Variants in LINGO2 observed in about 807,000 individuals in gnomAD.
LINGO2 encodes the protein leucine-rich repeat and immunoglobulin-like domain-containing nogo receptor-interacting protein 2.
A neutral mutation model predicts 30.6 loss-of-function variants in LINGO2; 14 were observed. The observed-to-expected ratio is 0.46, with a 90% CI of 0.30 to 0.72. The LOEUF (loss-of-function observed/expected upper bound fraction) is 0.72, where lower values mean the gene tolerates loss of function less well. Among genes scored for constraint, LINGO2 ranks in the 30% least tolerant of loss-of-function variants. LINGO2 has a pLI of 0.07. For missense variants in LINGO2, 729 were observed against 751.7 expected, an observed-to-expected ratio of 0.97 and a Z score of 0.35; for synonymous variants, 317 against 288.5, an observed-to-expected ratio of 1.10 and a Z score of -1.00.
At chr9:27,958,746 T>C (rs925784063) in intron 5 of LINGO2, among the ~76,000 whole-genome samples, 2 of 150,952 alleles carry the variant, frequency 1.3e-5, no homozygotes, top group African/African-American at 2.5e-5. Context: ...ACCAGGGAAC[T>C]TGGAACGTAT....
At chr9:28,142,788 A>G (rs1827710005) in intron 4 of LINGO2, among the ~76,000 whole-genome samples, 1 of 152,092 alleles carries the variant, frequency 6.6e-6, no homozygotes, top group Admixed American at 6.5e-5. Flanking sequence ...AATTTCATTG[A>G]TCTGGCTCCC....
At chr9:28,892,012 T>C in the LINGO2 span, among the ~76,000 whole-genome samples, 1 of 151,950 alleles carries the variant, frequency 6.6e-6, no homozygotes, top group Non-Finnish European at 1.5e-5. Flanking sequence ...TGTCTGATCT[T>C]TAGAGAAACA....
chr9:28,085,858 T>C (rs1825898232), intron 4 of LINGO2, among the ~76,000 whole-genome samples: 1 of 152,088 alleles, frequency 6.6e-6, no homozygotes, highest in Admixed American at 6.6e-5. Flanking sequence ...CTGGGCGGTA[T>C]GATACTTGAA....
chr9:29,199,977 A>G, the LINGO2 span, among the ~76,000 whole-genome samples: 8 of 152,200 alleles, frequency 5.3e-5, no homozygotes, highest in East Asian at 1.4e-3. Flanking sequence ...GCTTAACGAA[A>G]ACTATCAGAA....
At chr9:28,109,197 C>A (rs7034549) in intron 4 of LINGO2, among the ~76,000 whole-genome samples, 1 of 152,054 alleles carries the variant, frequency 6.6e-6, no homozygotes, top group Non-Finnish European at 1.5e-5. Context: ...ATTCAACATC[C>A]CTTCATGTTA....
chr9:28,137,078 G>T (rs1353948742), intron 4 of LINGO2, among the ~76,000 whole-genome samples: 2 of 152,002 alleles, frequency 1.3e-5, no homozygotes, highest in Non-Finnish European at 2.9e-5. Flanking sequence ...ACCACTGGCT[G>T]CCCTGGGTCT....
In LINGO2 at chr9:27,967,024, G is replaced by A. The variant is rs1279030096; in HGVS notation, c.-35-16318C>T. Among the ~76,000 whole-genome samples, 5 of 152,242 alleles carry A rather than the reference G, an allele frequency of 3.3e-5. No homozygotes were observed. The East Asian group carries it at 9.7e-4, about 29-fold the overall frequency. On this transcript the variant is annotated intron_variant, in intron 5 of 5. Transcript: ENST00000379992. ...GAAGTGTGGATATTCTTGAACAAAA[G>A]ATAATCTCTCTGGAGATTACCTGGT...
At chr9:28,003,406 G>C (rs1822081826) in intron 5 of LINGO2, among the ~76,000 whole-genome samples, 2 of 151,424 alleles carry the variant, frequency 1.3e-5, no homozygotes, top group South Asian at 4.2e-4. Flanking sequence ...GAGAGTTAGA[G>C]AGTTCACATT....
chr9:28,645,142 T>G (rs879490758), intron 1 of LINGO2, among the ~76,000 whole-genome samples: 1 of 152,128 alleles, frequency 6.6e-6, no homozygotes, highest in Admixed American at 6.6e-5. Flanking sequence ...CTTCTAGGTT[T>G]ATATACTATA....
chr9:28,815,834 G>A, the LINGO2 span, among the ~76,000 whole-genome samples: 1 of 152,176 alleles, frequency 6.6e-6, no homozygotes, highest in African/African-American at 2.4e-5. Flanking sequence ...AAGGCTGAGT[G>A]GATTAAATCC....
the LINGO2 span, among the ~76,000 whole-genome samples, chr9:29,051,379 T>C: frequency 2.0e-5 from 3 of 152,202 alleles, no homozygotes; most frequent in African/African-American, 7.2e-5. Flanking sequence ...ACACAGTATG[T>C]AGTGTTTTCA....
At chr9:28,951,049 G>A in the LINGO2 span, among the ~76,000 whole-genome samples, 62 of 152,208 alleles carry the variant, frequency 4.1e-4, no homozygotes, top group Admixed American at 3.9e-4. Context: ...CAGATATATA[G>A]ACCAATGAAA....
the LINGO2 span, among the ~76,000 whole-genome samples, chr9:29,084,310 G>T: frequency 6.6e-6 from 1 of 152,050 alleles, no homozygotes; most frequent in Non-Finnish European, 1.5e-5. Flanking sequence ...AAAGAGTAAG[G>T]ATATTTTGGC....
At chr9:28,641,146 G>A (rs1827556227) in intron 1 of LINGO2, among the ~76,000 whole-genome samples, 1 of 151,994 alleles carries the variant, frequency 6.6e-6, no homozygotes, top group African/African-American at 2.4e-5. Context: ...CCATTCTCCT[G>A]CCTCAGTCTC....
the LINGO2 span, chr9:27,937,903 G>A: frequency 1.3e-5 from 2 of 152,122 alleles, no homozygotes; most frequent in Non-Finnish European, 2.9e-5. Context: ...ATCATGAAAT[G>A]AGGAGAATTA....
intron 1 of LINGO2, among the ~76,000 whole-genome samples, chr9:28,539,924 C>A (rs1821599827): frequency 6.6e-6 from 1 of 152,106 alleles, no homozygotes; most frequent in Non-Finnish European, 1.5e-5. Context: ...AATATGAGAT[C>A]CCACAGGCTC....
chr9:28,343,362 T>C (rs928002757), intron 3 of LINGO2, among the ~76,000 whole-genome samples: 6 of 152,078 alleles, frequency 3.9e-5, no homozygotes, highest in Admixed American at 3.3e-4. Flanking sequence ...AAACAAAAAA[T>C]CATGCTCATC....
At chr9:28,087,200 A>AGAT (rs1825940598) in intron 4 of LINGO2, among the ~76,000 whole-genome samples, 1 of 152,108 alleles carries the variant, frequency 6.6e-6, no homozygotes, top group African/African-American at 2.4e-5. Context: ...ATGATACTCC[A>AGAT]GCAGAGATAA....
At chr9:28,348,040 C>G (rs60998626) in intron 3 of LINGO2, among the ~76,000 whole-genome samples, 2,268 of 152,156 alleles carry the variant, frequency 0.015, 52 homozygotes, top group African/African-American at 0.052. Flanking sequence ...TAGAAGCTTT[C>G]TAGGTAAACA....
Sources: gnomAD v4.1 joint callset for allele counts (sites outside exome capture counted in the v4.1 genomes callset) on GRCh38, gnomAD v4.1.1 for gene constraint, MANE v1.5 for transcripts, NCBI Gene and HGNC (gene_info 2026-07-23, HGNC 2026-07-21) for gene names.